GABRG3: variants seen among roughly 807,000 people sequenced by gnomAD.
The protein encoded by GABRG3 is gamma-aminobutyric acid receptor subunit gamma-3.
Under a neutral mutation model 48.8 loss-of-function variants are expected in GABRG3, and 25 were observed. That is an observed-to-expected ratio of 0.51 (90% CI 0.37 to 0.72). GABRG3 has a LOEUF of 0.72. Among genes scored for constraint, GABRG3 ranks in the 30% least tolerant of loss-of-function variants. The pLI is 0.00. For synonymous variants in GABRG3, 227 were observed against 217.6 expected (o/e 1.04, Z -0.38); for missense variants, 394 against 577.9 (o/e 0.68, Z 3.26).
At chr15:27,167,381 C>T (rs562581891) in intron 3 of GABRG3, among the ~76,000 whole-genome samples, 3 of 152,264 alleles carry the variant, frequency 2.0e-5, no homozygotes, top group African/African-American at 7.2e-5. Context: ...ACATTGTCAT[C>T]CCATGTAGAG....
intron 3 of GABRG3, among the ~76,000 whole-genome samples, chr15:27,080,722 C>T (rs569885364): frequency 6.6e-6 from 1 of 152,304 alleles, no homozygotes; most frequent in East Asian, 1.9e-4. Context: ...AAGCAGTGGC[C>T]ACAGTTATGG....
chr15:27,313,260 G>GTGTGTATATATATATATATATATA (rs1893073226), intron 3 of GABRG3, among the ~76,000 whole-genome samples: 2 of 49,560 alleles, frequency 4.0e-5, no homozygotes, highest in South Asian at 9.0e-4. Context: ...GTGTGTGTGT[G>GTGTGTATATATATATATATATATA]TGTATATATA....
At chr15:27,168,439 TTTCTCC>T (rs1221256339) in intron 3 of GABRG3, among the ~76,000 whole-genome samples, 1 of 152,128 alleles carries the variant, frequency 6.6e-6, no homozygotes, top group Admixed American at 6.5e-5. Flanking sequence ...AGGTAAGAAG[TTTCTCC>T]TTCTGTTTTT....
In GABRG3 at chr15:27,316,669, G is replaced by A. The variant is rs563633777; in HGVS notation, c.271-10140G>A. Reference sequence around the variant, plus strand: ...TTTTTTATGTGGGGGAAATTCCCCTGAATGATGAGGAATTTCGTTCGTTTT... The same window carrying A: ...TTTTTTATGTGGGGGAAATTCCCCTAAATGATGAGGAATTTCGTTCGTTTT... On this transcript the variant is annotated intron_variant, in intron 3 of 9. Transcript: ENST00000615808. 4.9e-4 allele frequency among the ~76,000 whole-genome samples: 75 copies of A among 152,326 alleles called. 1 individual carries two copies. Among genetic ancestry groups the A allele is most frequent in the African/African-American group, 1.8e-3 (73 of 41,586 alleles).
At chr15:27,225,429 C>T (rs1889581261) in intron 3 of GABRG3, among the ~76,000 whole-genome samples, 1 of 152,072 alleles carries the variant, frequency 6.6e-6, no homozygotes. Flanking sequence ...ATTTTACTTA[C>T]AAGGGTGGGC....
chr15:27,302,607 A>G (rs1219588960), intron 3 of GABRG3, among the ~76,000 whole-genome samples: 2 of 152,100 alleles, frequency 1.3e-5, no homozygotes, highest in African/African-American at 4.8e-5. Context: ...ACAAAGATAT[A>G]GAAAAATCAG....
intron 5 of GABRG3, among the ~76,000 whole-genome samples, chr15:27,413,064 A>C (rs1378431502): frequency 6.6e-6 from 1 of 152,154 alleles, no homozygotes; most frequent in African/African-American, 2.4e-5. Flanking sequence ...TTATTTTTTC[A>C]AGTCAAAGCA....
chr15:27,434,592 G>A (rs1051896383), intron 5 of GABRG3, among the ~76,000 whole-genome samples: 2 of 152,096 alleles, frequency 1.3e-5, no homozygotes, highest in Non-Finnish European at 2.9e-5. Context: ...CTCTTAAAAT[G>A]AAAACAAATG....
At chr15:27,394,859 T>G (rs1887253935) in intron 5 of GABRG3, among the ~76,000 whole-genome samples, 1 of 152,206 alleles carries the variant, frequency 6.6e-6, no homozygotes, top group Admixed American at 6.5e-5. Context: ...GATTTTTTTT[T>G]CTTGCTTGCT....
intron 3 of GABRG3, among the ~76,000 whole-genome samples, chr15:27,258,158 A>C (rs1273208208): frequency 6.6e-6 from 1 of 152,120 alleles, no homozygotes; most frequent in South Asian, 2.1e-4. Flanking sequence ...GCAATTTCTG[A>C]GGGCAGCCTA....
At chr15:27,046,397 C>G (rs555209279) in intron 3 of GABRG3, among the ~76,000 whole-genome samples, 63 of 152,332 alleles carry the variant, frequency 4.1e-4, no homozygotes, top group Admixed American at 1.0e-3. Context: ...AGCCACCACG[C>G]TTGGCCCCTT....
At chr15:27,079,950 A>T (rs1397418049) in intron 3 of GABRG3, among the ~76,000 whole-genome samples, 2 of 152,140 alleles carry the variant, frequency 1.3e-5, no homozygotes, top group Non-Finnish European at 2.9e-5. Context: ...CAGCTCACTC[A>T]GTATGCAGAG....
chr15:27,462,699 A>T (rs535155105), intron 5 of GABRG3, among the ~76,000 whole-genome samples: 2 of 152,214 alleles, frequency 1.3e-5, no homozygotes, highest in African/African-American at 4.8e-5. Flanking sequence ...TGTGAAATAC[A>T]TGGCATACCA....
At chr15:27,131,258 T>C (rs1897911445) in intron 3 of GABRG3, among the ~76,000 whole-genome samples, 1 of 152,144 alleles carries the variant, frequency 6.6e-6, no homozygotes, top group African/African-American at 2.4e-5. Flanking sequence ...GCGTTGAAGT[T>C]TGTCATATAC....
At chr15:27,393,725 A>T (rs962997915) in intron 5 of GABRG3, among the ~76,000 whole-genome samples, 1 of 152,100 alleles carries the variant, frequency 6.6e-6, no homozygotes, top group South Asian at 2.1e-4. Context: ...ATTCTTGACT[A>T]TATCTTCTTA....
intron 2 of GABRG3, among the ~76,000 whole-genome samples, chr15:27,001,774 G>T (rs1325199239): frequency 6.6e-6 from 1 of 152,048 alleles, no homozygotes; most frequent in East Asian, 1.9e-4. Flanking sequence ...TTTCTCCAGT[G>T]GTTTGTTTCC....
chr15:27,235,101 A>G (rs1343516783), intron 3 of GABRG3, among the ~76,000 whole-genome samples: 2 of 152,220 alleles, frequency 1.3e-5, no homozygotes, highest in Non-Finnish European at 2.9e-5. Flanking sequence ...TTGTAACTCA[A>G]AGAGGCTCCT....
intron 5 of GABRG3, among the ~76,000 whole-genome samples, chr15:27,448,857 A>G (rs771545449): frequency 2.0e-5 from 3 of 152,190 alleles, no homozygotes; most frequent in Non-Finnish European, 1.5e-5. Flanking sequence ...GATAAAAATT[A>G]TTTAAAAGTA....
chr15:27,193,942 A>G (rs914974851), intron 3 of GABRG3, among the ~76,000 whole-genome samples: 6 of 152,172 alleles, frequency 3.9e-5, no homozygotes, highest in Admixed American at 1.3e-4. Flanking sequence ...CTTGCATTCT[A>G]GTTGCCATTA....
Sources: allele counts gnomAD v4.1 joint callset (sites outside exome capture counted in the v4.1 genomes callset), GRCh38; gene constraint gnomAD v4.1.1; transcripts MANE v1.5; gene names NCBI Gene and HGNC (gene_info 2026-07-23, HGNC 2026-07-21).